KAT8: variants seen among roughly 807,000 people sequenced by gnomAD.
KAT8 encodes lysine acetyltransferase 8, also known as histone acetyltransferase KAT8.
A neutral mutation model predicts 62.9 loss-of-function variants in KAT8; 40 were observed. The observed-to-expected ratio is 0.64, with a 90% CI of 0.49 to 0.83. The LOEUF is 0.83. Among genes scored for constraint, KAT8 ranks in the 40% least tolerant of loss-of-function variants. The pLI is 0.00. For synonymous variants in KAT8, 278 were observed against 254.5 expected, an observed-to-expected ratio of 1.09 and a Z score of -0.88; for missense variants, 387 against 614.8, an observed-to-expected ratio of 0.63 and a Z score of 3.92.
At chr16:31,121,925 A>T (rs1367257847) in intron 3 of KAT8, among the ~76,000 whole-genome samples, 2 of 150,942 alleles carry the variant, frequency 1.3e-5, no homozygotes, top group African/African-American at 4.9e-5. Context: ...CTAATTTTTT[A>T]TTTTTTTGTA....
intron 8 of KAT8, 33 bp from the exon 9 acceptor site, chr16:31,130,423 T>C: frequency 6.2e-7 from 1 of 1,614,136 alleles, no homozygotes. Flanking sequence ...CAGGGCAGGC[T>C]GGATCCTAAG....
chr16:31,126,673 AC>A, intron 3 of KAT8: 1 of 272,662 alleles, frequency 3.7e-6, no homozygotes, highest in Non-Finnish European at 7.2e-6. Context: ...AACAGTTCTT[AC>A]GCTGGGCCTG....
rs753538571 is a variant in KAT8, at chr16:31,128,378, C to T, written c.771+239C>T. Among the ~76,000 whole-genome samples the T allele has an allele frequency of 2.0e-5, 3 of 152,110 alleles. 1 individual carries two copies. Among genetic ancestry groups the T allele is most frequent in the Admixed American group, 1.3e-4 (2 of 15,260 alleles). The stretch of plus-strand genomic sequence containing the variant: ...GCCTGGGTAACATGACGAAACTCCT[C>T]GACTAAAAATACAAAAAATTAGCTG... On this transcript the variant is annotated intron_variant, in intron 6 of 10. Transcript: ENST00000219797.
intron 3 of KAT8, 95 bp downstream of exon 3, chr16:31,120,609 TC>T: frequency 8.6e-7 from 1 of 1,159,748 alleles, no homozygotes. Context: ...CCATAGCAAA[TC>T]CCATTTCTTA....
At chr16:31,120,000 A>G (rs2057481344) in intron 1 of KAT8, among the ~76,000 whole-genome samples, 186 bp from the exon 2 acceptor site, 1 of 152,072 alleles carries the variant, frequency 6.6e-6, no homozygotes, top group Non-Finnish European at 1.5e-5. Context: ...TCATTCGTAA[A>G]ATGAGAATAA....
chr16:31,127,342 C>G lies in KAT8; in HGVS notation c.670C>G (p.Arg224Gly). The change falls in exon 5 of 11, where the codon CGC (arginine) becomes GGC (glycine). Residue 224 changes from arginine to glycine, a missense_variant. By Grantham distance (125) the Arg-to-Gly change is moderately radical. Transcript: ENST00000219797. ...GTACATGAAATATGAGAAGAGCTAC[C>G]GCTTCCACTTGGTGAGGCTGGGCCG... Reference protein sequence around the residue: ...LKYMKYEKSYRFHLGQCQWRQ... With the variant: ...LKYMKYEKSYGFHLGQCQWRQ... 1 of 1,614,142 alleles carries G rather than the reference C, an allele frequency of 6.2e-7. No individual in the cohort carries two copies. Among genetic ancestry groups the G allele is most frequent in the Non-Finnish European group, 8.5e-7 (1 of 1,180,024 alleles).
At chr16:31,130,659 G>C in intron 9 of KAT8, 53 bp downstream of exon 9, 1 of 1,610,806 alleles carries the variant, frequency 6.2e-7, no homozygotes, top group Non-Finnish European at 8.5e-7. Context: ...GATGGGCCAC[G>C]ATCCTGCTTC....
rs779576477 is a variant in KAT8 at position 31,120,443 on chromosome 16, G to A, written c.391G>A (p.Ala131Thr). The A allele has an allele frequency of 2.5e-5, 40 of 1,613,776 alleles. No individual in the cohort carries two copies. Among genetic ancestry groups the A allele is most frequent in the Non-Finnish European group, 3.0e-5 (35 of 1,180,012 alleles). ...CTCAGAGAAGTACCTGAGCGAGCTCGCAGAGCAGCCTGAGCGCAAGATCAC... is the reference window on the plus strand; with the variant it reads ...CTCAGAGAAGTACCTGAGCGAGCTCACAGAGCAGCCTGAGCGCAAGATCAC... ...KNSEKYLSELAEQPERKITRN... is the reference protein window; with the variant it reads ...KNSEKYLSELTEQPERKITRN... The change falls in exon 3 of 11, where the codon GCA becomes ACA. Residue 131 changes from alanine to threonine, a missense_variant. Coordinates refer to ENST00000219797, the MANE Select transcript of KAT8 (RefSeq NM_032188.3).
Position 31,130,108 on chromosome 16 carries a change from T to C in KAT8, c.863T>C (p.Leu288Pro). The change falls in exon 7 of 11, where the codon CTG becomes CCG. Residue 288 changes from leucine (L) to proline (P), a missense_variant. Transcript: ENST00000219797. The part of the protein sequence containing the change: ...FDVEPFVFYI[L>P]TEVDRQGAHI... The stretch of plus-strand genomic sequence containing the variant: ...GTGGAGCCGTTCGTCTTTTACATCC[T>C]GACTGAGGTGGACCGGCAGGGGGCC... The C allele has an allele frequency of 6.2e-7, 1 of 1,607,088 alleles. No individual in the cohort carries two copies. The highest frequency in any genetic ancestry group is 8.5e-7 in the Non-Finnish European group (1 of 1,178,334).
intron 3 of KAT8, 72 bp downstream of exon 3, chr16:31,120,586 C>A: frequency 7.0e-7 from 1 of 1,431,794 alleles, no homozygotes; most frequent in South Asian, 1.2e-5. Context: ...TCTCTCGGGC[C>A]CCAGTGCCAA....
rs759798356 is a variant in KAT8 at position 31,128,051 on chromosome 16, G to T, written c.683G>T (p.Gly228Val). The T allele has an allele frequency of 3.1e-6, 5 of 1,613,654 alleles. No individual in the cohort carries two copies. The African/African-American group carries it at 4.0e-5, about 13-fold the overall frequency. Residue 228 changes from glycine (G) to valine (V), a missense_variant and splice_region_variant, in exon 6 of 11, where the codon GGT (glycine) becomes GTT (valine). Gly to Val is a moderately radical substitution (Grantham distance 109). Coordinates refer to ENST00000219797, the MANE Select transcript of KAT8 (RefSeq NM_032188.3). ...ACCTGTTCTCTTGTCCCCGACCAGGGTCAGTGCCAGTGGCGGCAGCCCCCC... is the reference window on the plus strand; with the variant it reads ...ACCTGTTCTCTTGTCCCCGACCAGGTTCAGTGCCAGTGGCGGCAGCCCCCC... The part of the protein sequence containing the change: ...KYEKSYRFHL[G>V]QCQWRQPPGK...
At chr16:31,121,847 G>A (rs2057496098) in intron 3 of KAT8, among the ~76,000 whole-genome samples, 1 of 151,954 alleles carries the variant, frequency 6.6e-6, no homozygotes, top group Non-Finnish European at 1.5e-5. Context: ...AACCTCCTGG[G>A]CTCAAGCAAT....
chr16:31,127,308 C>G lies in KAT8; in HGVS notation c.636C>G (p.Tyr212Ter), dbSNP rs781487769. The G allele has an allele frequency of 1.2e-6, 2 of 1,614,254 alleles. No homozygotes were observed. The highest frequency in any genetic ancestry group is 1.7e-6 in the Non-Finnish European group (2 of 1,180,036). Residue 212 changes from tyrosine to a stop codon, truncating the protein, a stop_gained, in exon 5 of 11, where the codon TAC (tyrosine) becomes TAG (stop). Transcript: ENST00000219797. LOFTEE classifies it high-confidence loss of function. ...GKQPKLWLCE[Y>*]CLKYMKYEKS... ...AGCCCAAGCTCTGGCTCTGCGAGTA[C>G]TGCCTCAAGTACATGAAATATGAGA...
intron 3 of KAT8, 127 bp from the exon 4 acceptor site, chr16:31,126,908 T>C: frequency 1.0e-6 from 1 of 973,128 alleles, no homozygotes; most frequent in East Asian, 2.4e-5. Context: ...TAGCTATTGG[T>C]GTGGTTATTA....
At position 31,120,499 on chromosome 16, in the gene KAT8, C is replaced by A; in HGVS notation, c.447C>A (p.Ile149=). Reference sequence around the variant, plus strand: ...ACCAAAAGCGCAAGCATGATGAGATCAACCATGTGCAGAAGGTCCGGATCC... The same window carrying A: ...ACCAAAAGCGCAAGCATGATGAGATAAACCATGTGCAGAAGGTCCGGATCC... The part of the protein sequence containing the change: ...TRNQKRKHDE[I]NHVQKTYAEM... The change falls in exon 3 of 11, where the codon ATC becomes ATA. Residue 149 remains isoleucine (I), a synonymous_variant. Coordinates refer to ENST00000219797, the MANE Select transcript of KAT8 (RefSeq NM_032188.3). 1 of 1,607,224 alleles carries A rather than the reference C, an allele frequency of 6.2e-7. No homozygotes were observed. The highest frequency in any genetic ancestry group is 1.1e-5 in the South Asian group (1 of 90,994).
At chr16:31,121,553 C>T (rs962554757) in intron 3 of KAT8, among the ~76,000 whole-genome samples, 4 of 152,092 alleles carry the variant, frequency 2.6e-5, no homozygotes, top group Non-Finnish European at 4.4e-5. Context: ...TGTGCTACCT[C>T]AGAGCCAGAG....
intron 3 of KAT8, among the ~76,000 whole-genome samples, chr16:31,124,471 G>T (rs1018307688): frequency 2.0e-5 from 3 of 151,762 alleles, no homozygotes; most frequent in Non-Finnish European, 4.4e-5. Flanking sequence ...GTGAAAGCCC[G>T]TCTCTACTAA....
In KAT8 at chr16:31,127,264, C is replaced by T. The variant is rs1462936834; in HGVS notation, c.592C>T (p.Pro198Ser). 15 of 1,614,200 alleles carry T rather than the reference C, an allele frequency of 9.3e-6. No individual in the cohort carries two copies. The highest frequency in any genetic ancestry group is 1.3e-5 in the Non-Finnish European group (15 of 1,180,016). ...TGATGCCTGGTATTTCTCACCATTC[C>T]CCGAAGACTATGGGAAACAGCCCAA... ...EIDAWYFSPFPEDYGKQPKLW... is the reference protein window; with the variant it reads ...EIDAWYFSPFSEDYGKQPKLW... Residue 198 changes from proline (P) to serine (S), a missense_variant, in exon 5 of 11, where the codon CCC becomes TCC. Pro to Ser is a moderately conservative substitution (Grantham distance 74). Transcript: ENST00000219797.
In KAT8 at chr16:31,117,830, A is replaced by G; in HGVS notation, c.149A>G (p.Glu50Gly). Residue 50 changes from glutamate (E) to glycine (G), a missense_variant, in exon 1 of 11, where the codon GAG becomes GGG. Glu to Gly is a moderately conservative substitution (Grantham distance 98, BLOSUM62 -2). Coordinates refer to ENST00000219797, the MANE Select transcript of KAT8 (RefSeq NM_032188.3). The part of the protein sequence containing the change: ...RVSPPTPARG[E>G]PEVTVEIGET... ...TCTCCGCCGACCCCGGCGCGCGGCG[A>G]GCCGGAAGTCACGGTGGAGATCGGA... The G allele has an allele frequency of 6.9e-7, 1 of 1,441,358 alleles. No homozygotes were observed. The highest frequency in any genetic ancestry group is 9.2e-7 in the Non-Finnish European group (1 of 1,087,672). The allele number at this position is 1,441,358 out of a possible 1,614,324, so 89.3% of individuals were successfully genotyped here. A position where few individuals can be genotyped will look rare whatever the true frequency, so the allele number is the denominator to read the frequency against.
Sources: gnomAD v4.1 joint callset for allele counts (sites outside exome capture counted in the v4.1 genomes callset) on GRCh38, gnomAD v4.1.1 for gene constraint, MANE v1.5 for transcripts, NCBI Gene and HGNC (gene_info 2026-07-23, HGNC 2026-07-21) for gene names.